ABI3BP: variants seen among roughly 807,000 people sequenced by gnomAD.
ABI3BP encodes the protein target of Nesh-SH3.
ABI3BP carries 216 observed loss-of-function variants against 268.6 expected under a neutral mutation model. The observed-to-expected ratio is 0.80, with a 90% confidence interval of 0.72 to 0.90. The LOEUF (loss-of-function observed/expected upper bound fraction) is 0.90. Ranked by LOEUF, ABI3BP falls within the 40% of genes least tolerant of loss-of-function variation. ABI3BP has a pLI of 0.00. For missense variants in ABI3BP, 2,090 were observed against 2,182.4 expected (o/e 0.96, Z 0.84); for synonymous variants, 730 against 730.0 (o/e 1.00, Z 0.00).
chr3:100,785,302 C>T (rs942010364), intron 57 of ABI3BP, among the ~76,000 whole-genome samples: 1 of 152,068 alleles, frequency 6.6e-6, no homozygotes, highest in African/African-American at 2.4e-5. Context: ...GTGGATGAGA[C>T]AGTAGAATTG....
intron 67 of ABI3BP, among the ~76,000 whole-genome samples, 192 bp downstream of exon 67, chr3:100,751,360 A>G (rs2095315804): frequency 6.6e-6 from 1 of 152,128 alleles, no homozygotes; most frequent in Non-Finnish European, 1.5e-5. Flanking sequence ...ATGCATTTAT[A>G]TTATGTCTGT....
chr3:100,989,547 G>A (rs528282366), intron 1 of ABI3BP, among the ~76,000 whole-genome samples: 4 of 152,280 alleles, frequency 2.6e-5, no homozygotes, highest in South Asian at 2.1e-4. Flanking sequence ...TCTTCCCTCT[G>A]CCATATCCCA....
intron 14 of ABI3BP, 143 bp downstream of exon 14, chr3:100,862,168 T>A: frequency 1.6e-6 from 1 of 629,308 alleles, no homozygotes; most frequent in Non-Finnish European, 2.7e-6. Context: ...GAAAATGAGG[T>A]TCATCTCAGT....
chr3:100,757,660 G>C (rs1360695615), intron 63 of ABI3BP, among the ~76,000 whole-genome samples: 2 of 152,120 alleles, frequency 1.3e-5, no homozygotes, highest in Non-Finnish European at 2.9e-5. Flanking sequence ...TGTGATGCAG[G>C]AATTGGGATT....
intron 1 of ABI3BP, among the ~76,000 whole-genome samples, chr3:100,937,461 G>A (rs2066683412): frequency 6.6e-6 from 1 of 151,994 alleles, no homozygotes; most frequent in Non-Finnish European, 1.5e-5. Flanking sequence ...TCCCTATAAT[G>A]AGATATAGCT....
At chr3:100,859,197 T>C (rs1405881254) in intron 14 of ABI3BP, among the ~76,000 whole-genome samples, 2 of 152,014 alleles carry the variant, frequency 1.3e-5, no homozygotes, top group Admixed American at 1.3e-4. Context: ...CTGCTGGTCG[T>C]TGGCTGAAAG....
rs1462162136 is a variant in ABI3BP, at chr3:100,968,529, C to A, written c.79+24777G>T. Among the ~76,000 whole-genome samples the A allele has an allele frequency of 2.0e-5, 3 of 152,080 alleles. No individual in the cohort carries two copies. The East Asian group carries it at 5.8e-4, about 29-fold the overall frequency. On this transcript the variant is annotated intron_variant, in intron 1 of 67. Coordinates refer to ENST00000471714, the MANE Select transcript of ABI3BP (RefSeq NM_001375547.2). ...ACCATCTCACAAAATTAAAGGTAAT[C>A]ATTTAATCCATAGTGTGTGGTCAAG...
At chr3:100,977,889 T>C (rs2087044742) in intron 1 of ABI3BP, among the ~76,000 whole-genome samples, 3 of 152,182 alleles carry the variant, frequency 2.0e-5, no homozygotes, top group South Asian at 2.1e-4. Context: ...TATGAGATTT[T>C]TCATGGACCA....
At chr3:100,819,942 C>T (rs542380424) in intron 40 of ABI3BP, among the ~76,000 whole-genome samples, 18 of 113,774 alleles carry the variant, frequency 1.6e-4, no homozygotes, top group East Asian at 1.2e-3. Flanking sequence ...AGTAAGACTC[C>T]GTCTCAAAAA....
chr3:100,752,953 A>G lies in ABI3BP; in HGVS notation c.4961-5T>C, dbSNP rs766200453. 1.2e-6 allele frequency: 2 copies of G among 1,607,746 alleles called. No individual in the cohort carries two copies. The highest frequency in any genetic ancestry group is 8.5e-7 in the Non-Finnish European group (1 of 1,177,356). ...TCCAGATGGCATCTCTTCCTGCTAC[A>G]AAAGGAAAATAGTTTGAGTTTAGTA... On this transcript the variant is annotated splice_region_variant and splice_polypyrimidine_tract_variant and intron_variant, in intron 65 of 67. Transcript: ENST00000471714.
chr3:100,875,668 C>G, intron 7 of ABI3BP, 89 bp from the exon 8 acceptor site: 1 of 915,340 alleles, frequency 1.1e-6, no homozygotes, highest in South Asian at 1.4e-5. Flanking sequence ...ACTGGAAAAG[C>G]CTTGATCTAA....
At chr3:100,895,571 A>G (rs1275684223) in intron 4 of ABI3BP, among the ~76,000 whole-genome samples, 18 of 152,234 alleles carry the variant, frequency 1.2e-4, no homozygotes, top group Admixed American at 1.1e-3. Context: ...CAGAGACTGT[A>G]CAGAGGGAAC....
At chr3:100,978,613 G>A (rs2087537696) in intron 1 of ABI3BP, among the ~76,000 whole-genome samples, 1 of 152,150 alleles carries the variant, frequency 6.6e-6, no homozygotes, top group Non-Finnish European at 1.5e-5. Flanking sequence ...ATAAAAGGCA[G>A]CCAGCAAGTT....
At chr3:100,809,843 A>G (rs2097805408) in intron 49 of ABI3BP, among the ~76,000 whole-genome samples, 2 of 152,124 alleles carry the variant, frequency 1.3e-5, no homozygotes, top group South Asian at 2.1e-4. Context: ...CTCCACTACT[A>G]TGTAAAGCTT....
At chr3:100,930,033 AT>A (rs1262092814) in intron 1 of ABI3BP, among the ~76,000 whole-genome samples, 1 of 152,054 alleles carries the variant, frequency 6.6e-6, no homozygotes, top group Non-Finnish European at 1.5e-5. Flanking sequence ...TTGATAATAC[AT>A]TTATTTTCAG....
chr3:100,922,468 A>G lies in ABI3BP; in HGVS notation c.259+3834T>C, dbSNP rs547162555. Among the ~76,000 whole-genome samples the G allele has an allele frequency of 2.6e-5, 4 of 152,188 alleles. No individual in the cohort carries two copies. The East Asian group carries it at 5.8e-4, about 22-fold the overall frequency. On this transcript the variant is annotated intron_variant, in intron 2 of 67. Transcript: ENST00000471714. Reference sequence around the variant, plus strand: ...TCCAGATGAGCTTACTACAATCACAAGGGCCCTTAAAAGTAGAAGAGGAAA... The same window carrying G: ...TCCAGATGAGCTTACTACAATCACAGGGGCCCTTAAAAGTAGAAGAGGAAA...
chr3:100,769,264 G>C (rs777068736), intron 62 of ABI3BP, among the ~76,000 whole-genome samples: 20 of 152,176 alleles, frequency 1.3e-4, no homozygotes, highest in Admixed American at 9.8e-4. Flanking sequence ...AAATTCTGCA[G>C]CTAAAGAGAT....
chr3:100,859,168 G>T (rs768656392), intron 14 of ABI3BP, among the ~76,000 whole-genome samples: 8 of 152,112 alleles, frequency 5.3e-5, no homozygotes, highest in Non-Finnish European at 8.8e-5. Context: ...ATGTAAATTT[G>T]TTCAACTACA....
At chr3:100,817,328 G>C in intron 42 of ABI3BP, 108 bp downstream of exon 42, 1 of 711,666 alleles carries the variant, frequency 1.4e-6, no homozygotes, top group Non-Finnish European at 2.2e-6. Context: ...GATAGCAGAA[G>C]ATGACAAGAT....
Sources: allele counts gnomAD v4.1 joint callset (sites outside exome capture counted in the v4.1 genomes callset), GRCh38; gene constraint gnomAD v4.1.1; transcripts MANE v1.5; gene names NCBI Gene and HGNC (gene_info 2026-07-23, HGNC 2026-07-21).